The following GRPR variants were observed in gnomAD, a reference collection of about 807,000 sequenced individuals.
The protein encoded by GRPR is gastrin releasing peptide receptor.
A neutral mutation model predicts 15.6 loss-of-function variants in GRPR; 4 were observed. The observed-to-expected ratio is 0.26, with a 90% CI of 0.13 to 0.59. The LOEUF is 0.59. Ranked by LOEUF, GRPR falls within the 20% of genes least tolerant of loss-of-function variation. The probability of loss-of-function intolerance (pLI) is 0.90; values close to 1 mark genes in which losing one functional copy is unlikely to be tolerated. For synonymous variants in GRPR, 128 were observed against 126.8 expected, an observed-to-expected ratio of 1.01 and a Z score of -0.06; for missense variants, 270 against 304.1, an observed-to-expected ratio of 0.89 and a Z score of 0.83.
chrX:16,151,654 G>A (rs1474898620), intron 2 of GRPR, among the ~76,000 whole-genome samples: 1 of 111,905 alleles, frequency 8.9e-6, no homozygotes, highest in Admixed American at 9.5e-5. Flanking sequence ...GGGAGCAAAA[G>A]GAGATGCCCA....
At chrX:16,135,237 A>G (rs1037320140) in intron 1 of GRPR, among the ~76,000 whole-genome samples, 2 of 112,189 alleles carry the variant, frequency 1.8e-5, no homozygotes, top group East Asian at 2.8e-4. Context: ...TTTAGCCCCA[A>G]TAAGCAGGAG....
rs1242352720 is a variant in GRPR, at chrX:16,150,547, A to G, written c.656A>G (p.Tyr219Cys). 1 of 1,192,725 alleles carries G rather than the reference A, an allele frequency of 8.4e-7. No individual in the cohort carries two copies. Among genetic ancestry groups the G allele is most frequent in the East Asian group, 3.0e-5 (1 of 33,793 alleles). ...TCTATGGCTTCCTTTCTGGTCTTCT[A>G]CGTCATTCCACTGTCGATCATCTCT... ...IHSMASFLVF[Y>C]VIPLSIISVY... is the part of the protein sequence containing the mutation. The change falls in exon 2 of 3, where the codon TAC becomes TGC. Residue 219 changes from tyrosine (Y) to cysteine (C), a missense_variant. By Grantham distance (194) the Tyr-to-Cys change is radical. Around this residue, in one of 3 missense-constraint regions of GRPR, gnomAD observed 22 missense variants for 51.9 expected, o/e 0.42. Transcript: ENST00000380289.
intron 1 of GRPR, among the ~76,000 whole-genome samples, chrX:16,145,995 GGAAGGATTGGA>G (rs1419487315): frequency 1.5e-4 from 17 of 111,599 alleles, no homozygotes; most frequent in Non-Finnish European, 3.8e-5. Flanking sequence ...ACTGAAATTT[GGAAGGATTGGA>G]TTTAAATGAA....
chrX:16,127,181 G>T (rs181493962), intron 1 of GRPR, among the ~76,000 whole-genome samples: 175 of 111,535 alleles, frequency 1.6e-3, no homozygotes, highest in Non-Finnish European at 2.5e-3. Flanking sequence ...GGGGCACATA[G>T]TGATAACCAT....
At chrX:16,151,383 C>G (rs1186731255) in intron 2 of GRPR, among the ~76,000 whole-genome samples, 1 of 111,920 alleles carries the variant, frequency 8.9e-6, no homozygotes, top group Non-Finnish European at 1.9e-5. Context: ...TGCTTGCCTT[C>G]TAGCCCAGGT....
chrX:16,124,445 A>T, intron 1 of GRPR, 79 bp downstream of exon 1: 5 of 928,688 alleles, frequency 5.4e-6, no homozygotes, highest in East Asian at 3.1e-5. Context: ...CGGGACAGGG[A>T]GCTGATTGCA....
Position 16,152,605 on chromosome X carries a change from G to A in GRPR, c.1115G>A (p.Ser372Asn). 1 of 1,209,976 alleles carries A rather than the reference G, an allele frequency of 8.3e-7. No homozygotes were observed. The highest frequency in any genetic ancestry group is 1.1e-6 in the Non-Finnish European group (1 of 894,121). Residue 372 changes from serine to asparagine, a missense_variant, in exon 3 of 3, where the codon AGC becomes AAC. Ser to Asn is a conservative substitution (Grantham distance 46). Around this residue, in one of 3 missense-constraint regions of GRPR, gnomAD observed 133 missense variants for 123.4 expected, o/e 1.08. Transcript: ENST00000380289. ...KSTNPSVATF[S>N]LINGNICHER... ...ACCAACCCCTCCGTGGCCACCTTTA[G>A]CCTCATCAATGGAAACATCTGTCAC...
chrX:16,142,799 A>G (rs772338860), intron 1 of GRPR, among the ~76,000 whole-genome samples: 2 of 109,961 alleles, frequency 1.8e-5, no homozygotes, highest in Non-Finnish European at 3.8e-5. Flanking sequence ...CTTCTTGGGC[A>G]TCCGAGTAGA....
intron 1 of GRPR, among the ~76,000 whole-genome samples, chrX:16,147,148 T>A (rs1601946253): frequency 1.8e-5 from 2 of 112,025 alleles, no homozygotes; most frequent in Non-Finnish European, 3.8e-5. Flanking sequence ...GCACAAGTGA[T>A]ATATTAATAT....
At position 16,124,163 on chromosome X, in the gene GRPR, C is replaced by T. The variant is rs750753923; in HGVS notation, c.210C>T (p.Ser70=). 3.3e-6 allele frequency: 4 copies of T among 1,207,258 alleles called. No homozygotes were observed. In the Admixed American group the frequency reaches 8.7e-5, roughly 26 times the overall value. The change falls in exon 1 of 3, where the codon TCC becomes TCT. Residue 70 remains serine, a synonymous_variant. Transcript: ENST00000380289. ...TCAAGATCTTCTGTACAGTCAAGTC[C>T]ATGCGAAACGTTCCAAACCTGTTCA... ...TLIKIFCTVK[S]MRNVPNLFIS...
chrX:16,151,271 A>G (rs1922696866), intron 2 of GRPR, among the ~76,000 whole-genome samples: 1 of 112,213 alleles, frequency 8.9e-6, no homozygotes, highest in African/African-American at 3.2e-5. Context: ...CCTCCATATG[A>G]TTAGACTCTC....
intron 1 of GRPR, among the ~76,000 whole-genome samples, chrX:16,142,161 A>G (rs1285027317): frequency 8.9e-6 from 1 of 112,222 alleles, no homozygotes; most frequent in Admixed American, 9.4e-5. Flanking sequence ...GATATGACAC[A>G]TTCAATCACA....
chrX:16,151,238 ACAGTGCCCAG>A (rs1922696175), intron 2 of GRPR, among the ~76,000 whole-genome samples: 1 of 112,241 alleles, frequency 8.9e-6, no homozygotes, highest in African/African-American at 3.2e-5. Flanking sequence ...TGTAAGGCCT[ACAGTGCCCAG>A]CATGCAAGAT....
intron 1 of GRPR, among the ~76,000 whole-genome samples, chrX:16,148,172 CTAATT>C (rs1295084187): frequency 1.8e-5 from 2 of 111,626 alleles, no homozygotes; most frequent in African/African-American, 3.3e-5. Flanking sequence ...TCTTCCCTAC[CTAATT>C]TGAGAACAAA....
At chrX:16,132,081 T>A (rs1922385302) in intron 1 of GRPR, among the ~76,000 whole-genome samples, 1 of 112,551 alleles carries the variant, frequency 8.9e-6, no homozygotes, top group African/African-American at 3.2e-5. Context: ...CTGTAGTAGG[T>A]GCTTGATAAA....
intron 1 of GRPR, among the ~76,000 whole-genome samples, chrX:16,136,795 A>G (rs920939819): frequency 8.9e-6 from 1 of 112,386 alleles, no homozygotes; most frequent in Non-Finnish European, 1.9e-5. Context: ...GTAAACAAAT[A>G]TACACGGTGA....
intron 1 of GRPR, among the ~76,000 whole-genome samples, chrX:16,142,527 A>G (rs1312725058): frequency 1.8e-5 from 2 of 112,038 alleles, no homozygotes; most frequent in Admixed American, 9.5e-5. Context: ...ATAGTCTTCT[A>G]CACAACCCAA....
intron 1 of GRPR, among the ~76,000 whole-genome samples, chrX:16,147,367 G>T (rs1417438710): frequency 9.0e-6 from 1 of 110,950 alleles, no homozygotes; most frequent in Non-Finnish European, 1.9e-5. Flanking sequence ...TCTTTTTATT[G>T]TTGTTTGGTT....
Position 16,152,567 on chromosome X carries a change from C to G in GRPR, c.1077C>G (p.Thr359=). 8.3e-7 allele frequency: 1 copy of G among 1,206,487 alleles called. No homozygotes were observed. ...HSTGRSTTCM[T]SLKSTNPSVA... ...CTGGAAGGAGTACAACCTGCATGACCTCCCTCAAGAGTACCAACCCCTCCG... is the reference window on the plus strand; with the variant it reads ...CTGGAAGGAGTACAACCTGCATGACGTCCCTCAAGAGTACCAACCCCTCCG... The change falls in exon 3 of 3, where the codon ACC becomes ACG. Residue 359 remains threonine (T), a synonymous_variant. Coordinates refer to ENST00000380289, the MANE Select transcript of GRPR (RefSeq NM_005314.3).
Sources: gnomAD v4.1 joint callset for allele counts (sites outside exome capture counted in the v4.1 genomes callset) on GRCh38, gnomAD v4.1.1 for gene constraint, gnomAD v4.1.1 regional missense constraint, MANE v1.5 for transcripts, NCBI Gene and HGNC (gene_info 2026-07-23, HGNC 2026-07-21) for gene names.